The following KCMF1 variants were observed in gnomAD, a reference collection of about 807,000 sequenced individuals.
KCMF1 encodes potassium channel modulatory factor 1.
In KCMF1, 3 loss-of-function variants were observed where a neutral mutation model predicts 41.1. The ratio of observed to expected loss-of-function variants is 0.07; its 90% confidence interval spans 0.03 to 0.19. The LOEUF (loss-of-function observed/expected upper bound fraction) is 0.19. KCMF1 is among the 10% of genes least tolerant of loss of function. The pLI is 1.00. For missense variants in KCMF1, 286 were observed against 488.9 expected, an observed-to-expected ratio of 0.58 and a Z score of 3.91; for synonymous variants, 142 against 164.5, an observed-to-expected ratio of 0.86 and a Z score of 1.04.
chr2:84,980,932 C>T (rs1241194323), intron 1 of KCMF1, among the ~76,000 whole-genome samples: 3 of 152,048 alleles, frequency 2.0e-5, no homozygotes, highest in Non-Finnish European at 2.9e-5. Context: ...TGAAGCACCA[C>T]ACCCAGCCTA....
intron 1 of KCMF1, among the ~76,000 whole-genome samples, chr2:84,972,908 G>A (rs536168344): frequency 3.3e-5 from 5 of 152,184 alleles, no homozygotes; most frequent in Non-Finnish European, 5.9e-5. Flanking sequence ...AAATAATGAG[G>A]TACCTAGCCT....
chr2:85,040,405 T>C (rs1675500111), intron 3 of KCMF1, among the ~76,000 whole-genome samples: 1 of 152,146 alleles, frequency 6.6e-6, no homozygotes, highest in Admixed American at 6.5e-5. Flanking sequence ...CACTCAAAAC[T>C]AAGCAGTATT....
At chr2:85,043,260 G>C (rs1574041234) in intron 3 of KCMF1, among the ~76,000 whole-genome samples, 1 of 151,906 alleles carries the variant, frequency 6.6e-6, no homozygotes, top group Non-Finnish European at 1.5e-5. Context: ...GCACTAAATA[G>C]CACATTTTAA....
rs1452767371 is a variant in KCMF1 at position 85,008,362 on chromosome 2, T to TATGATATATAATATATATCA, written c.17-19527_17-19526insATGATATATAATATATATCA. Among the ~76,000 whole-genome samples, 16 of 8,382 alleles carry TATGATATATAATATATATCA rather than the reference T, an allele frequency of 1.9e-3. 3 individuals carry two copies. In the South Asian group the frequency reaches 0.11, roughly 57 times the overall value. 5.5% of individuals were successfully genotyped at this position (8,382 alleles called of 152,430 possible). ...TATGATATATAATATATAATATATA[T>TATGATATATAATATATATCA]TATATATCATATGATATATTATATA... On this transcript the variant is annotated intron_variant, in intron 1 of 6. Coordinates refer to ENST00000409785, the MANE Select transcript of KCMF1 (RefSeq NM_020122.5).
At chr2:85,039,072 G>A (rs1675465925) in intron 3 of KCMF1, among the ~76,000 whole-genome samples, 1 of 152,172 alleles carries the variant, frequency 6.6e-6, no homozygotes, top group Non-Finnish European at 1.5e-5. Context: ...GAACTTTAAT[G>A]TTGGCAGGAA....
Position 85,007,918 on chromosome 2 carries a change from G to A in KCMF1, c.17-19971G>A, listed in dbSNP as rs575660032. Among the ~76,000 whole-genome samples the A allele has an allele frequency of 9.2e-5, 14 of 151,988 alleles. No individual in the cohort carries two copies. In the East Asian group the frequency reaches 1.4e-3, roughly 15 times the overall value. ...CTGGGATTACAGGCACTGCCACCAC[G>A]CCTGGCTAATTTTTTTGTATTTTTA... is the stretch of plus-strand genomic sequence containing the variant. On this transcript the variant is annotated intron_variant, in intron 1 of 6. Coordinates refer to ENST00000409785, the MANE Select transcript of KCMF1 (RefSeq NM_020122.5).
chr2:85,010,241 G>A (rs1292220299), intron 1 of KCMF1, among the ~76,000 whole-genome samples: 1 of 152,194 alleles, frequency 6.6e-6, no homozygotes, highest in Non-Finnish European at 1.5e-5. Flanking sequence ...GGAGGCTGAG[G>A]TGGGATCAGT....
At chr2:84,974,290 C>A (rs979358022) in intron 1 of KCMF1, among the ~76,000 whole-genome samples, 1 of 152,122 alleles carries the variant, frequency 6.6e-6, no homozygotes, top group South Asian at 2.1e-4. Flanking sequence ...CTTGGTGCTT[C>A]CTTTTCAGGG....
At chr2:84,994,563 C>A (rs948029487) in intron 1 of KCMF1, among the ~76,000 whole-genome samples, 6 of 152,130 alleles carry the variant, frequency 3.9e-5, no homozygotes, top group Non-Finnish European at 7.4e-5. Flanking sequence ...GCCGCCACAC[C>A]CAGCTAATTT....
In KCMF1 at chr2:85,053,391, T is replaced by C; in HGVS notation, c.1128T>C (p.Pro376=). 8 of 1,612,342 alleles carry C rather than the reference T, an allele frequency of 5.0e-6. No individual in the cohort carries two copies. Among genetic ancestry groups the C allele is most frequent in the Non-Finnish European group, 6.8e-6 (8 of 1,179,084 alleles). ...AAGAGAGTAATAAAGGAAATGAGCC[T>C]CCACCACCTCCTCTTTGATGACATC... is the stretch of plus-strand genomic sequence containing the variant. ...NLKESNKGNE[P]PPPPL The change falls in exon 7 of 7, where the codon CCT becomes CCC. Residue 376 remains proline, a synonymous_variant. Coordinates refer to ENST00000409785, the MANE Select transcript of KCMF1 (RefSeq NM_020122.5).
chr2:85,008,291 T>TATATAATATGATATATATATC (rs1486177880), intron 1 of KCMF1, among the ~76,000 whole-genome samples: 83 of 14,612 alleles, frequency 5.7e-3, no homozygotes, highest in Non-Finnish European at 0.011. Flanking sequence ...TGATATATAA[T>TATATAATATGATATATATATC]ATATATAATA....
At chr2:84,977,621 C>A (rs186003945) in intron 1 of KCMF1, among the ~76,000 whole-genome samples, 10 of 151,652 alleles carry the variant, frequency 6.6e-5, no homozygotes, top group Admixed American at 2.0e-4. Flanking sequence ...CTGGATCTTC[C>A]AGTATTGCCT....
chr2:85,000,479 C>A (rs925331592), intron 1 of KCMF1, among the ~76,000 whole-genome samples: 1 of 152,060 alleles, frequency 6.6e-6, no homozygotes, highest in African/African-American at 2.4e-5. Flanking sequence ...GTTTCATAAG[C>A]CCCTTGTAAT....
intron 1 of KCMF1, among the ~76,000 whole-genome samples, chr2:85,005,418 A>G (rs1228435531): frequency 6.6e-6 from 1 of 151,300 alleles, no homozygotes; most frequent in Non-Finnish European, 1.5e-5. Flanking sequence ...CCTCCTGAGT[A>G]GCTGGGACTA....
intron 1 of KCMF1, among the ~76,000 whole-genome samples, chr2:85,004,577 C>T (rs1036101576): frequency 9.2e-5 from 14 of 151,978 alleles, no homozygotes; most frequent in Admixed American, 7.2e-4. Flanking sequence ...GCAGTATATT[C>T]TGACCTGTGG....
At chr2:85,012,888 A>G (rs1674683625) in intron 1 of KCMF1, among the ~76,000 whole-genome samples, 2 of 152,356 alleles carry the variant, frequency 1.3e-5, no homozygotes, top group East Asian at 3.8e-4. Flanking sequence ...GTTAGCCTAC[A>G]AAACAGGGGA....
intron 1 of KCMF1, among the ~76,000 whole-genome samples, chr2:85,015,619 T>C (rs959278361): frequency 2.0e-5 from 3 of 152,196 alleles, no homozygotes; most frequent in African/African-American, 7.2e-5. Context: ...TGAAAACTTT[T>C]AGAAATGAAT....
chr2:85,027,037 AC>A (rs1165986191), intron 1 of KCMF1, among the ~76,000 whole-genome samples: 1 of 152,058 alleles, frequency 6.6e-6, no homozygotes, highest in Non-Finnish European at 1.5e-5. Context: ...TGGGCTATAA[AC>A]CCATGAGGAC....
chr2:85,021,787 A>G (rs187358376), intron 1 of KCMF1, among the ~76,000 whole-genome samples: 25 of 152,240 alleles, frequency 1.6e-4, no homozygotes, highest in Non-Finnish European at 2.8e-4. Context: ...TTAATGGCTA[A>G]GTAATAACAG....
Sources: gnomAD v4.1 joint callset for allele counts (sites outside exome capture counted in the v4.1 genomes callset) on GRCh38, gnomAD v4.1.1 for gene constraint, MANE v1.5 for transcripts, NCBI Gene and HGNC (gene_info 2026-07-23, HGNC 2026-07-21) for gene names.